The following ZMYND8 variants were observed in gnomAD, a reference collection of about 807,000 sequenced individuals.
ZMYND8 encodes MYND-type zinc finger-containing chromatin reader ZMYND8.
ZMYND8 carries 37 observed loss-of-function variants against 140.8 expected under a neutral mutation model. The observed-to-expected ratio is 0.26, with a 90% CI of 0.20 to 0.35. The LOEUF (loss-of-function observed/expected upper bound fraction) is 0.35. Ranked by LOEUF, ZMYND8 falls within the 10% of genes least tolerant of loss-of-function variation. ZMYND8 has a pLI of 1.00. For synonymous variants in ZMYND8, 592 were observed against 597.1 expected, an observed-to-expected ratio of 0.99 and a Z score of 0.12; for missense variants, 1,068 against 1,570.0, an observed-to-expected ratio of 0.68 and a Z score of 5.40.
At chr20:47,329,961 C>T (rs1265171948) in intron 2 of ZMYND8, among the ~76,000 whole-genome samples, 1 of 152,104 alleles carries the variant, frequency 6.6e-6, no homozygotes, top group African/African-American at 2.4e-5. Context: ...AGTATGCATA[C>T]GAATTTCTGA....
At chr20:47,220,501 A>G (rs932153264) in intron 20 of ZMYND8, among the ~76,000 whole-genome samples, 177 bp from the exon 21 acceptor site, 7 of 152,212 alleles carry the variant, frequency 4.6e-5, no homozygotes, top group Admixed American at 2.0e-4. Context: ...GCCAAACCCC[A>G]GGTACCATCT....
rs879500689 is a variant in ZMYND8 at position 47,209,493 on chromosome 20, T to C, written c.*1268A>G. 6.6e-6 allele frequency: 1 copy of C among 152,156 alleles called. No homozygotes were observed. The highest frequency in any genetic ancestry group is 6.5e-5 in the Admixed American group (1 of 15,274). The allele number at this position is 152,156 out of a possible 1,614,324, so 9.4% of individuals were successfully genotyped here. A position where few individuals can be genotyped will look rare whatever the true frequency, so the allele number is the denominator to read the frequency against. On this transcript the variant is annotated 3_prime_UTR_variant, in exon 23 of 23. Transcript: ENST00000471951. ...GACAACTGCAATTCACAAATGTTCT[T>C]TCTCTCCTGTTTTCTTCTAATACTC...
chr20:47,297,859 A>T (rs2077742967), intron 4 of ZMYND8, among the ~76,000 whole-genome samples: 1 of 152,200 alleles, frequency 6.6e-6, no homozygotes, highest in African/African-American at 2.4e-5. Flanking sequence ...AACAGTGGAA[A>T]CCCTAATAGT....
chr20:47,248,434 C>G (rs1331603639), intron 13 of ZMYND8, among the ~76,000 whole-genome samples: 1 of 152,218 alleles, frequency 6.6e-6, no homozygotes, highest in East Asian at 1.9e-4. Context: ...AGATGGGTCC[C>G]TAACTCTAGC....
chr20:47,221,679 C>T (rs1306265397), intron 19 of ZMYND8, among the ~76,000 whole-genome samples: 1 of 152,188 alleles, frequency 6.6e-6, no homozygotes, highest in African/African-American at 2.4e-5. Context: ...TTAACATAAA[C>T]ATGCTGAGAT....
At chr20:47,252,119 T>A (rs753597091) in intron 12 of ZMYND8, among the ~76,000 whole-genome samples, 1 of 151,262 alleles carries the variant, frequency 6.6e-6, no homozygotes, top group Non-Finnish European at 1.5e-5. Context: ...CATGGTGAAA[T>A]CCCGTCTCTA....
Position 47,356,687 on chromosome 20 carries a change from T to C in ZMYND8, c.-17A>G, listed in dbSNP as rs2083266368. The C allele has an allele frequency of 3.7e-6, 6 of 1,614,182 alleles. No individual in the cohort carries two copies. Among genetic ancestry groups the C allele is most frequent in the Non-Finnish European group, 5.1e-6 (6 of 1,180,032 alleles). Reference sequence around the variant, plus strand: ...TGGATGCATTGTTAACACTGTGTAATGTCAATACTTATAAAACATGGAGGA... The same window carrying C: ...TGGATGCATTGTTAACACTGTGTAACGTCAATACTTATAAAACATGGAGGA... On this transcript the variant is annotated 5_prime_UTR_variant, in exon 1 of 23. Coordinates refer to ENST00000471951, the MANE Select transcript of ZMYND8 (RefSeq NM_001281775.3).
At chr20:47,218,586 G>A (rs1360740789) in intron 21 of ZMYND8, among the ~76,000 whole-genome samples, 1 of 152,164 alleles carries the variant, frequency 6.6e-6, no homozygotes, top group Non-Finnish European at 1.5e-5. Flanking sequence ...TCTAGGGTGG[G>A]GAGCATGCGG....
chr20:47,214,655 A>C (rs577383647), intron 21 of ZMYND8, among the ~76,000 whole-genome samples: 2 of 152,122 alleles, frequency 1.3e-5, no homozygotes, highest in African/African-American at 4.8e-5. Flanking sequence ...CACCACGCCT[A>C]GCTAATTTTT....
intron 2 of ZMYND8, among the ~76,000 whole-genome samples, chr20:47,337,550 C>T (rs150753015): frequency 0.028 from 4,303 of 152,232 alleles, 96 homozygotes; most frequent in Non-Finnish European, 0.043. Context: ...TCCATCCCTA[C>T]TTTGACACTT....
At chr20:47,236,645 C>G (rs1490839991) in intron 15 of ZMYND8, 129 bp from the exon 16 acceptor site, 2 of 965,028 alleles carry the variant, frequency 2.1e-6, no homozygotes, top group Non-Finnish European at 2.9e-6. Context: ...CAAAGATGCT[C>G]CCCTTGACCA....
At chr20:47,329,880 G>A (rs1254376161) in intron 2 of ZMYND8, among the ~76,000 whole-genome samples, 2 of 152,090 alleles carry the variant, frequency 1.3e-5, no homozygotes, top group South Asian at 2.1e-4. Flanking sequence ...TCAAGGCACC[G>A]GATGCAGGGA....
intron 11 of ZMYND8, among the ~76,000 whole-genome samples, chr20:47,274,681 C>A (rs935430990): frequency 6.6e-6 from 1 of 152,168 alleles, no homozygotes; most frequent in African/African-American, 2.4e-5. Context: ...CCATGAGTGT[C>A]TAGGACCACA....
chr20:47,333,724 C>CAAAAAAAAAAAAAAA (rs57968979), intron 2 of ZMYND8, among the ~76,000 whole-genome samples: 1 of 29,726 alleles, frequency 3.4e-5, no homozygotes, highest in African/African-American at 1.1e-4. Context: ...GACTCCGTCT[C>CAAAAAAAAAAAAAAA]AAAAAAAAAA....
chr20:47,257,314 A>T (rs1445252754), intron 12 of ZMYND8, among the ~76,000 whole-genome samples: 1 of 152,076 alleles, frequency 6.6e-6, no homozygotes, highest in Non-Finnish European at 1.5e-5. Context: ...ATATACTCAT[A>T]TGCCATATAC....
chr20:47,276,822 T>G, intron 10 of ZMYND8, 27 bp from the exon 11 acceptor site: 3 of 1,537,234 alleles, frequency 2.0e-6, no homozygotes, highest in Non-Finnish European at 2.6e-6. Flanking sequence ...TAAAGAGAGT[T>G]TAAGTCAACT....
intron 1 of ZMYND8, among the ~76,000 whole-genome samples, chr20:47,350,437 A>G (rs2082687420): frequency 6.7e-6 from 1 of 150,224 alleles, no homozygotes; most frequent in Non-Finnish European, 1.5e-5. Context: ...TTCCTACACC[A>G]CTGATTTCGG....
intron 13 of ZMYND8, among the ~76,000 whole-genome samples, chr20:47,246,927 G>C (rs890327802): frequency 6.6e-6 from 1 of 152,166 alleles, no homozygotes; most frequent in Non-Finnish European, 1.5e-5. Context: ...ACCTGCCCTA[G>C]GACACAAGAC....
intron 7 of ZMYND8, 140 bp from the exon 8 acceptor site, chr20:47,287,424 G>C (rs2076991534): frequency 2.9e-6 from 2 of 691,558 alleles, no homozygotes; most frequent in African/African-American, 1.8e-5. Flanking sequence ...GAGGTTCCTG[G>C]CTTCTAATAG....
Sources: gnomAD v4.1 joint callset for allele counts (sites outside exome capture counted in the v4.1 genomes callset) on GRCh38, gnomAD v4.1.1 for gene constraint, MANE v1.5 for transcripts, NCBI Gene and HGNC (gene_info 2026-07-23, HGNC 2026-07-21) for gene names.